The following CRACD variants were observed in gnomAD, a reference collection of about 807,000 sequenced individuals.
The protein encoded by CRACD is capping protein-inhibiting regulator of actin dynamics.
In CRACD, 56 loss-of-function variants were observed where a neutral mutation model predicts 106.8. The ratio of observed to expected loss-of-function variants is 0.52; its 90% confidence interval spans 0.42 to 0.66. The LOEUF (loss-of-function observed/expected upper bound fraction) is 0.66, where lower values mean the gene tolerates loss of function less well. Among genes scored for constraint, CRACD ranks in the 30% least tolerant of loss-of-function variants. The pLI, the probability that CRACD is intolerant of heterozygous loss-of-function variation, is 0.00. For synonymous variants in CRACD, 754 were observed against 670.8 expected, an observed-to-expected ratio of 1.12 and a Z score of -1.92; for missense variants, 1,730 against 1,623.2, an observed-to-expected ratio of 1.07 and a Z score of -1.13.
chr4:56,158,111 A>G (rs1443097949), intron 1 of CRACD, among the ~76,000 whole-genome samples: 1 of 152,226 alleles, frequency 6.6e-6, no homozygotes, highest in Non-Finnish European at 1.5e-5. Flanking sequence ...CATTCTTGCA[A>G]TCCTAAAACA....
chr4:56,285,235 A>G (rs1274693331), intron 3 of CRACD, among the ~76,000 whole-genome samples: 1 of 152,144 alleles, frequency 6.6e-6, no homozygotes, highest in Admixed American at 6.5e-5. Flanking sequence ...ACCTCCCACC[A>G]GGCCGCCCCT....
At chr4:56,264,352 A>T (rs11730926) in intron 2 of CRACD, among the ~76,000 whole-genome samples, 39,655 of 151,862 alleles carry the variant, frequency 0.26, 5,350 homozygotes, top group Non-Finnish European at 0.27. Flanking sequence ...TATAATCCTT[A>T]AAAAAAAGAG....
chr4:56,111,949 A>C (rs1321610931), intron 1 of CRACD, among the ~76,000 whole-genome samples: 1 of 152,256 alleles, frequency 6.6e-6, no homozygotes, highest in African/African-American at 2.4e-5. Context: ...ACGACCATGC[A>C]TACATTACAG....
chr4:56,095,577 G>C (rs1343564155), intron 1 of CRACD, among the ~76,000 whole-genome samples: 2 of 152,206 alleles, frequency 1.3e-5, no homozygotes, highest in African/African-American at 4.8e-5. Flanking sequence ...AATGCTCCAA[G>C]GTGGGCTGCG....
At chr4:56,084,815 C>T (rs1487832590) in intron 1 of CRACD, among the ~76,000 whole-genome samples, 1 of 152,120 alleles carries the variant, frequency 6.6e-6, no homozygotes, top group African/African-American at 2.4e-5. Context: ...AAGTTCTGTA[C>T]TGGGGTTATT....
At chr4:56,102,581 A>C (rs1012414771) in intron 1 of CRACD, among the ~76,000 whole-genome samples, 1 of 152,226 alleles carries the variant, frequency 6.6e-6, no homozygotes, top group African/African-American at 2.4e-5. Flanking sequence ...CCAGGCCTAG[A>C]ATGACAGACC....
chr4:56,122,135 G>A (rs1734504273), intron 1 of CRACD, among the ~76,000 whole-genome samples: 1 of 151,984 alleles, frequency 6.6e-6, no homozygotes, highest in African/African-American at 2.4e-5. Flanking sequence ...GATCACTTCT[G>A]TGAATATCCA....
chr4:56,159,164 A>G (rs1735861410), intron 1 of CRACD, among the ~76,000 whole-genome samples: 1 of 152,270 alleles, frequency 6.6e-6, no homozygotes, highest in East Asian at 1.9e-4. Flanking sequence ...AAGGAAAAGT[A>G]TTCACAGGGG....
At chr4:56,325,810 C>T (rs956208183) in intron 10 of CRACD, among the ~76,000 whole-genome samples, 2 of 152,156 alleles carry the variant, frequency 1.3e-5, no homozygotes, top group African/African-American at 2.4e-5. Context: ...CTTTTCTCTG[C>T]CTTGGCTACC....
chr4:56,287,727 G>A (rs976389084), intron 3 of CRACD, among the ~76,000 whole-genome samples: 3 of 152,028 alleles, frequency 2.0e-5, no homozygotes, highest in African/African-American at 4.8e-5. Flanking sequence ...CCCTAAAGTC[G>A]TTGTTTGGAG....
In CRACD at chr4:56,314,648, G is replaced by C; in HGVS notation, c.1146G>C (p.Pro382=). ...AGCAGGAGGCGGAGGTGCAGGGGCC[G>C]CCCGAGGCGTTGGAGGAGACTGGGG... is the stretch of plus-strand genomic sequence containing the variant. ...LEQQEAEVQG[P]PEALEETGEG... The change falls in exon 8 of 11, where the codon CCG becomes CCC. Residue 382 remains proline (P), a synonymous_variant. Transcript: ENST00000682029. This position sits in a 1 kb window ranked among gnomAD's most constrained non-coding sequence, Gnocchi z 4.4. 5 of 1,545,024 alleles carry C rather than the reference G, an allele frequency of 3.2e-6. No individual in the cohort carries two copies. The highest frequency in any genetic ancestry group is 4.4e-6 in the Non-Finnish European group (5 of 1,143,754).
chr4:56,205,572 G>T (rs1403497222), intron 2 of CRACD, among the ~76,000 whole-genome samples: 3 of 152,004 alleles, frequency 2.0e-5, no homozygotes, highest in Admixed American at 6.6e-5. Flanking sequence ...GTGTGTGTGT[G>T]TTGGGGAGAA....
rs376322425 is a variant in CRACD at position 56,215,039 on chromosome 4, C to T, written c.-189+35609C>T. Reference sequence around the variant, plus strand: ...AACAAACAAAAAAAGAGACAGCATACTGCTCTTTCACCCAAGCTGGAGTGC... The same window carrying T: ...AACAAACAAAAAAAGAGACAGCATATTGCTCTTTCACCCAAGCTGGAGTGC... On this transcript the variant is annotated intron_variant, in intron 2 of 10. Transcript: ENST00000682029. Among the ~76,000 whole-genome samples the T allele has an allele frequency of 9.9e-5, 15 of 152,140 alleles. No homozygotes were observed. The South Asian group carries it at 2.7e-3, about 27-fold the overall frequency.
intron 2 of CRACD, among the ~76,000 whole-genome samples, chr4:56,251,364 T>C (rs1741046851): frequency 1.3e-5 from 2 of 152,208 alleles, no homozygotes; most frequent in South Asian, 4.1e-4. Context: ...CTCCTTGAAA[T>C]TGATATTTGA....
intron 3 of CRACD, among the ~76,000 whole-genome samples, chr4:56,292,803 C>T (rs1470846323): frequency 2.0e-5 from 3 of 152,208 alleles, no homozygotes; most frequent in East Asian, 1.9e-4. Flanking sequence ...GGATTACAGG[C>T]GTGAGCCACC....
intron 1 of CRACD, among the ~76,000 whole-genome samples, chr4:56,118,461 A>C (rs1363363431): frequency 6.6e-6 from 1 of 152,232 alleles, no homozygotes; most frequent in African/African-American, 2.4e-5. Context: ...CAAGTGAGTA[A>C]GTGGGGCAGT....
At chr4:56,310,803 T>C in intron 6 of CRACD, 69 bp downstream of exon 6, 1 of 903,340 alleles carries the variant, frequency 1.1e-6, no homozygotes. Flanking sequence ...CCCCCCTTTT[T>C]TTTTTTTGCG....
rs7659493 is a variant in CRACD, at chr4:56,250,140, G to A, written c.-188-22181G>A. On this transcript the variant is annotated intron_variant, in intron 2 of 10. Transcript: ENST00000682029. ...TCCTCTTTATTTTTTTCTTTCTCACGTTTTGATTCTCTATATTCCACTATT... is the reference window on the plus strand; with the variant it reads ...TCCTCTTTATTTTTTTCTTTCTCACATTTTGATTCTCTATATTCCACTATT... 7.6e-3 allele frequency among the ~76,000 whole-genome samples: 1,153 copies of A among 151,144 alleles called. 17 individuals are homozygous for A. The highest frequency in any genetic ancestry group is 0.027 in the African/African-American group (1,095 of 41,110).
intron 2 of CRACD, among the ~76,000 whole-genome samples, chr4:56,271,130 A>G (rs999479715): frequency 1.3e-5 from 2 of 151,894 alleles, no homozygotes; most frequent in Non-Finnish European, 2.9e-5. Context: ...AAAAGTTTTT[A>G]AAAATAGTTG....
Sources: gnomAD v4.1 joint callset for allele counts (sites outside exome capture counted in the v4.1 genomes callset) on GRCh38, gnomAD v4.1.1 for gene constraint, Gnocchi (gnomAD v3.1) non-coding constraint, MANE v1.5 for transcripts, NCBI Gene and HGNC (gene_info 2026-07-23, HGNC 2026-07-21) for gene names.